Variants in CNTNAP2 observed in about 807,000 individuals in gnomAD.
The protein encoded by CNTNAP2 is contactin associated protein 2.
A neutral mutation model predicts 155.2 loss-of-function variants in CNTNAP2; 98 were observed. The ratio of observed to expected loss-of-function variants is 0.63; its 90% CI spans 0.54 to 0.75. The LOEUF is 0.75. Among genes scored for constraint, CNTNAP2 ranks in the 30% least tolerant of loss-of-function variants. The pLI, the probability that CNTNAP2 is intolerant of heterozygous loss-of-function variation, is 0.00. For synonymous variants in CNTNAP2, 651 were observed against 631.2 expected (o/e 1.03, Z -0.47); for missense variants, 1,727 against 1,688.1 (o/e 1.02, Z -0.40).
At chr7:147,421,990 C>T (rs941130597) in intron 10 of CNTNAP2, among the ~76,000 whole-genome samples, 3 of 151,464 alleles carry the variant, frequency 2.0e-5, no homozygotes, top group African/African-American at 4.9e-5. Context: ...GCCTATAGAC[C>T]GTGAGCCAAT....
chr7:147,302,803 G>A (rs1563152741), intron 9 of CNTNAP2, among the ~76,000 whole-genome samples: 1 of 152,176 alleles, frequency 6.6e-6, no homozygotes. Context: ...CTATAGCTTT[G>A]CCCCCAGAGG....
intron 17 of CNTNAP2, among the ~76,000 whole-genome samples, chr7:148,169,396 C>G (rs1394136376): frequency 1.3e-5 from 2 of 152,042 alleles, no homozygotes; most frequent in East Asian, 3.9e-4. Flanking sequence ...TTTAAAGTGC[C>G]TTTAAAATGT....
chr7:148,153,974 C>G (rs937748440), intron 17 of CNTNAP2, among the ~76,000 whole-genome samples: 57 of 152,240 alleles, frequency 3.7e-4, no homozygotes, highest in African/African-American at 1.3e-3. Flanking sequence ...GAGGCCATTT[C>G]AGACAGCTTC....
At chr7:147,256,776 G>A (rs1382221395) in intron 8 of CNTNAP2, among the ~76,000 whole-genome samples, 4 of 152,036 alleles carry the variant, frequency 2.6e-5, no homozygotes, top group South Asian at 2.1e-4. Context: ...GTTAATGGAC[G>A]CATTGAACTT....
intron 9 of CNTNAP2, among the ~76,000 whole-genome samples, chr7:147,342,455 C>T (rs1795781535): frequency 6.6e-6 from 1 of 152,070 alleles, no homozygotes; most frequent in Non-Finnish European, 1.5e-5. Context: ...ATTTTCAAGG[C>T]AATTTCACAT....
chr7:147,856,179 G>C (rs1171352006), intron 13 of CNTNAP2, among the ~76,000 whole-genome samples: 1 of 151,716 alleles, frequency 6.6e-6, no homozygotes, highest in African/African-American at 2.4e-5. Flanking sequence ...GCCCATATAG[G>C]GTTTCTTGTT....
At chr7:147,054,831 T>G (rs533306171) in intron 4 of CNTNAP2, among the ~76,000 whole-genome samples, 23 of 152,298 alleles carry the variant, frequency 1.5e-4, no homozygotes, top group African/African-American at 5.5e-4. Context: ...CCTATCAGAA[T>G]AGTATCAGAT....
chr7:146,432,178 C>T (rs1040613363), intron 1 of CNTNAP2, among the ~76,000 whole-genome samples: 38 of 151,936 alleles, frequency 2.5e-4, no homozygotes, highest in African/African-American at 8.7e-4. Flanking sequence ...GATGTAGAAA[C>T]AGGAGAAAAA....
chr7:146,117,726 G>A (rs117769857), intron 1 of CNTNAP2, among the ~76,000 whole-genome samples: 317 of 152,146 alleles, frequency 2.1e-3, no homozygotes, highest in Non-Finnish European at 3.8e-3. Flanking sequence ...GTGTGTTTAA[G>A]ACTGCCCCTG....
chr7:146,833,944 G>T (rs1191101128), intron 2 of CNTNAP2, among the ~76,000 whole-genome samples: 1 of 152,148 alleles, frequency 6.6e-6, no homozygotes, highest in African/African-American at 2.4e-5. Context: ...TAAAAATACA[G>T]TGTATTTGAA....
At chr7:147,745,461 C>T (rs1229164839) in intron 13 of CNTNAP2, among the ~76,000 whole-genome samples, 2 of 152,196 alleles carry the variant, frequency 1.3e-5, no homozygotes, top group African/African-American at 4.8e-5. Flanking sequence ...TCAACCTACA[C>T]ATCCCTGTCA....
At chr7:146,355,679 T>G (rs1401725925) in intron 1 of CNTNAP2, among the ~76,000 whole-genome samples, 2 of 152,204 alleles carry the variant, frequency 1.3e-5, no homozygotes, top group East Asian at 3.9e-4. Context: ...TATAAGTGCA[T>G]AAATCTACAT....
intron 1 of CNTNAP2, among the ~76,000 whole-genome samples, chr7:146,455,990 T>C (rs1265953244): frequency 6.6e-6 from 1 of 152,192 alleles, no homozygotes; most frequent in Non-Finnish European, 1.5e-5. Flanking sequence ...AAACCATGAA[T>C]TGATATGAAA....
At chr7:147,489,945 G>T (rs1798576607) in intron 11 of CNTNAP2, among the ~76,000 whole-genome samples, 1 of 152,094 alleles carries the variant, frequency 6.6e-6, no homozygotes, top group Non-Finnish European at 1.5e-5. Context: ...CTAGTTCCTT[G>T]TGTGGAACTG....
At chr7:147,412,773 A>G (rs777881201) in intron 10 of CNTNAP2, among the ~76,000 whole-genome samples, 5 of 152,248 alleles carry the variant, frequency 3.3e-5, no homozygotes, top group Non-Finnish European at 7.3e-5. Context: ...CAGGACAGAA[A>G]GGCTCATATC....
intron 10 of CNTNAP2, among the ~76,000 whole-genome samples, chr7:147,406,194 AAAAGG>A (rs10566518): frequency 0.24 from 35,694 of 151,580 alleles, 4,633 homozygotes; most frequent in African/African-American, 0.34. Flanking sequence ...GAGAAAAAAG[AAAAGG>A]AAAGGAGAGG....
intron 1 of CNTNAP2, among the ~76,000 whole-genome samples, chr7:146,550,939 T>C (rs771942737): frequency 1.3e-4 from 20 of 152,034 alleles, no homozygotes; most frequent in Non-Finnish European, 2.1e-4. Context: ...AGGAGAGGTT[T>C]ATAAGCAGGA....
chr7:148,236,795 G>T (rs1796047689), intron 20 of CNTNAP2, among the ~76,000 whole-genome samples: 1 of 152,230 alleles, frequency 6.6e-6, no homozygotes, highest in Admixed American at 6.5e-5. Context: ...AGACAGCAAA[G>T]GGAAAGTAGG....
intron 9 of CNTNAP2, among the ~76,000 whole-genome samples, chr7:147,364,666 G>A (rs898782856): frequency 2.0e-5 from 3 of 152,094 alleles, no homozygotes; most frequent in African/African-American, 7.2e-5. Flanking sequence ...TGGCTAACAC[G>A]GTGAAACCCC....
Sources: allele counts gnomAD v4.1 joint callset (sites outside exome capture counted in the v4.1 genomes callset), GRCh38; gene constraint gnomAD v4.1.1; transcripts MANE v1.5; gene names NCBI Gene and HGNC (gene_info 2026-07-23, HGNC 2026-07-21).